KCNC2: variants seen among roughly 807,000 people sequenced by gnomAD.
KCNC2 encodes potassium voltage-gated channel subfamily C member 2, also known as voltage-gated potassium channel KCNC2.
A neutral mutation model predicts 44.5 loss-of-function variants in KCNC2; 21 were observed. That is an observed-to-expected ratio of 0.47 (90% CI 0.33 to 0.68). The LOEUF is 0.68. KCNC2 is among the 30% of genes least tolerant of loss of function. The probability of loss-of-function intolerance (pLI) is 0.01; values close to 1 mark genes in which losing one functional copy is unlikely to be tolerated. For missense variants in KCNC2, 589 were observed against 826.2 expected, an observed-to-expected ratio of 0.71 and a Z score of 3.52; for synonymous variants, 391 against 339.1, an observed-to-expected ratio of 1.15 and a Z score of -1.68.
At chr12:75,049,811 T>C (rs1880974464) in intron 3 of KCNC2, among the ~76,000 whole-genome samples, 1 of 152,044 alleles carries the variant, frequency 6.6e-6, no homozygotes, top group Non-Finnish European at 1.5e-5. Context: ...TTAAGAACAA[T>C]GAAAATTTAA....
chr12:75,164,296 C>A (rs562131690), intron 2 of KCNC2, among the ~76,000 whole-genome samples: 1 of 151,776 alleles, frequency 6.6e-6, no homozygotes, highest in East Asian at 1.9e-4. Context: ...CACACCCTAA[C>A]CTAAAATTGA....
At chr12:75,075,905 A>T (rs1436979231) in intron 2 of KCNC2, among the ~76,000 whole-genome samples, 8 of 152,202 alleles carry the variant, frequency 5.3e-5, no homozygotes, top group African/African-American at 1.9e-4. Flanking sequence ...ACTTCTGTTT[A>T]ATTTGGCAAA....
In KCNC2 at chr12:75,043,259, A is replaced by G. The variant is rs1880120116; in HGVS notation, c.1781-18T>C. ...TTCATATCCTTTTATGAAAAAATGC[A>G]CAGACATCAGTTGAATTCAACCAGA... On this transcript the variant is annotated intron_variant, in intron 4 of 4. Coordinates refer to ENST00000549446, the MANE Select transcript of KCNC2 (RefSeq NM_139137.4). 6.2e-7 allele frequency: 1 copy of G among 1,611,324 alleles called. No homozygotes were observed. Among genetic ancestry groups the G allele is most frequent in the Admixed American group, 1.7e-5 (1 of 59,760 alleles).
intron 2 of KCNC2, among the ~76,000 whole-genome samples, chr12:75,162,263 T>C (rs1450461428): frequency 6.6e-6 from 1 of 151,778 alleles, no homozygotes; most frequent in Non-Finnish European, 1.5e-5. Context: ...CTCAGTTTCT[T>C]TGATGGAATA....
intron 2 of KCNC2, among the ~76,000 whole-genome samples, chr12:75,144,616 A>C (rs1889883094): frequency 7.5e-6 from 1 of 133,748 alleles, no homozygotes; most frequent in Admixed American, 8.2e-5. Flanking sequence ...ATGTGGGTGT[A>C]CTTTTGTGTG....
intron 2 of KCNC2, among the ~76,000 whole-genome samples, chr12:75,068,051 A>T (rs958419388): frequency 2.0e-5 from 3 of 152,210 alleles, no homozygotes; most frequent in Non-Finnish European, 4.4e-5. Context: ...TGTAAAAGGT[A>T]CAGTGTTGTA....
At chr12:75,173,190 T>A (rs1331856165) in intron 2 of KCNC2, among the ~76,000 whole-genome samples, 2 of 151,844 alleles carry the variant, frequency 1.3e-5, no homozygotes, top group Non-Finnish European at 2.9e-5. Flanking sequence ...ATAGAAAAAA[T>A]TCAGAAGTCA....
intron 2 of KCNC2, among the ~76,000 whole-genome samples, chr12:75,131,529 A>ATAATTGTGAATTTG (rs1888843751): frequency 6.6e-6 from 1 of 152,178 alleles, no homozygotes; most frequent in Non-Finnish European, 1.5e-5. Flanking sequence ...ATTATCCTGG[A>ATAATTGTGAATTTG]TTATCTGGGT....
chr12:75,049,568 C>T (rs1214925257), intron 3 of KCNC2, among the ~76,000 whole-genome samples: 1 of 152,026 alleles, frequency 6.6e-6, no homozygotes, highest in Non-Finnish European at 1.5e-5. Flanking sequence ...TTGTCTATAG[C>T]AATGGGGAGG....
intron 2 of KCNC2, among the ~76,000 whole-genome samples, chr12:75,102,561 C>G (rs547315231): frequency 6.6e-6 from 1 of 152,078 alleles, no homozygotes; most frequent in South Asian, 2.1e-4. Context: ...TTAAGAACTC[C>G]TTTCATAATA....
At chr12:75,114,856 C>CTTTTTTTTTTT (rs754820554) in intron 2 of KCNC2, among the ~76,000 whole-genome samples, 1 of 86,542 alleles carries the variant, frequency 1.2e-5, no homozygotes, top group Non-Finnish European at 2.0e-5. Context: ...TCAACTTCTA[C>CTTTTTTTTTTT]TTTTTTTTTT....
intron 1 of KCNC2, among the ~76,000 whole-genome samples, chr12:75,208,813 C>A (rs967573374): frequency 6.6e-6 from 1 of 152,040 alleles, no homozygotes; most frequent in Non-Finnish European, 1.5e-5. Flanking sequence ...TTCCTTTTCA[C>A]GTTATTATTA....
intron 2 of KCNC2, among the ~76,000 whole-genome samples, chr12:75,189,823 G>A (rs925911324): frequency 6.6e-6 from 1 of 152,170 alleles, no homozygotes; most frequent in African/African-American, 2.4e-5. Context: ...GTTGTCAGCT[G>A]CGCTCTGCAA....
chr12:75,048,141 A>C lies in KCNC2; in HGVS notation c.1780+12T>G, dbSNP rs1373021925. On this transcript the variant is annotated intron_variant, in intron 4 of 4. Transcript: ENST00000549446. The stretch of plus-strand genomic sequence containing the variant: ...AAGTCACCTGTTATGATCTGATTAA[A>C]TGCATGCCTACCTTTCCTGATCCCT... The C allele has an allele frequency of 2.5e-6, 4 of 1,611,020 alleles. No individual in the cohort carries two copies. The highest frequency in any genetic ancestry group is 8.5e-7 in the Non-Finnish European group (1 of 1,177,914).
intron 2 of KCNC2, among the ~76,000 whole-genome samples, chr12:75,133,278 G>T (rs918745979): frequency 6.6e-6 from 1 of 151,822 alleles, no homozygotes; most frequent in African/African-American, 2.4e-5. Flanking sequence ...ATAGCTAAAA[G>T]ATTTGGAATA....
rs547693136 is a variant in KCNC2, at chr12:75,114,648, G to A, written c.688-63331C>T. ...AAGAAGTAGCAGTTGATCAAAGCCT[G>A]AGTGATGTAAGGAACTGAGCCTTCC... On this transcript the variant is annotated intron_variant, in intron 2 of 4. Coordinates refer to ENST00000549446, the MANE Select transcript of KCNC2 (RefSeq NM_139137.4). Among the ~76,000 whole-genome samples the A allele has an allele frequency of 7.9e-5, 12 of 152,212 alleles. No individual in the cohort carries two copies. The East Asian group carries it at 2.1e-3, about 27-fold the overall frequency.
Position 75,042,796 on chromosome 12 carries a change from T to C in KCNC2, c.*309A>G. On this transcript the variant is annotated 3_prime_UTR_variant, in exon 5 of 5. Transcript: ENST00000549446. ...TTGGAAGCACACTGTTTTAAATATA[T>C]CTCCCTGAAGGTATGTTTATATATT... 1 of 1,178,634 alleles carries C rather than the reference T, an allele frequency of 8.5e-7. No homozygotes were observed. Among genetic ancestry groups the C allele is most frequent in the African/African-American group, 1.6e-5 (1 of 63,246 alleles). 73.0% of individuals were successfully genotyped at this position (1,178,634 alleles called of 1,614,324 possible). A position where few individuals can be genotyped will look rare whatever the true frequency, so the allele number is the denominator to read the frequency against.
intron 2 of KCNC2, among the ~76,000 whole-genome samples, chr12:75,063,838 C>A (rs889015679): frequency 6.6e-6 from 1 of 152,078 alleles, no homozygotes; most frequent in East Asian, 1.9e-4. Context: ...AAGTAAGAAG[C>A]AGATGAGAAA....
intron 2 of KCNC2, among the ~76,000 whole-genome samples, chr12:75,077,358 G>T (rs557265374): frequency 6.6e-6 from 1 of 152,134 alleles, no homozygotes; most frequent in South Asian, 2.1e-4. Context: ...TATTTTTATG[G>T]TTCTGAATGA....
Sources: gnomAD v4.1 joint callset for allele counts (sites outside exome capture counted in the v4.1 genomes callset) on GRCh38, gnomAD v4.1.1 for gene constraint, MANE v1.5 for transcripts, NCBI Gene and HGNC (gene_info 2026-07-23, HGNC 2026-07-21) for gene names.